Variants in MALRD1 observed in about 807,000 individuals in gnomAD.
MALRD1 encodes MAM and LDL receptor class A domain containing 1, also known as MAM and LDL-receptor class A domain-containing protein 1.
MALRD1 carries 247 observed loss-of-function variants against 242.1 expected under a neutral mutation model. The observed-to-expected ratio is 1.02, with a 90% CI of 0.92 to 1.13. The LOEUF is 1.13. MALRD1 is among the 50% of genes most tolerant of loss of function. MALRD1 has a pLI of 0.00. For synonymous variants in MALRD1, 995 were observed against 866.6 expected, an observed-to-expected ratio of 1.15 and a Z score of -2.60; for missense variants, 2,989 against 2,533.1, an observed-to-expected ratio of 1.18 and a Z score of -3.86.
At chr10:19,353,888 G>A (rs905863226) in intron 26 of MALRD1, among the ~76,000 whole-genome samples, 38 of 151,910 alleles carry the variant, frequency 2.5e-4, no homozygotes, top group African/African-American at 8.7e-4. Context: ...TTGTTTGTTT[G>A]TTTGTTTTTT....
intron 28 of MALRD1, among the ~76,000 whole-genome samples, chr10:19,408,108 G>A (rs1427703503): frequency 6.6e-6 from 1 of 152,050 alleles, no homozygotes; most frequent in Non-Finnish European, 1.5e-5. Context: ...TCCTCCCCAA[G>A]TAAAGGATTT....
intron 1 of MALRD1, among the ~76,000 whole-genome samples, chr10:19,062,409 T>C (rs1458413458): frequency 6.6e-6 from 1 of 152,198 alleles, no homozygotes; most frequent in Non-Finnish European, 1.5e-5. Flanking sequence ...CCATATGATA[T>C]AGCATTTTCA....
At chr10:19,611,614 C>T (rs1257788100) in intron 35 of MALRD1, among the ~76,000 whole-genome samples, 2 of 151,916 alleles carry the variant, frequency 1.3e-5, no homozygotes, top group Non-Finnish European at 2.9e-5. Flanking sequence ...TAATATTATC[C>T]CATAGATTCC....
chr10:19,361,621 G>A lies in MALRD1; in HGVS notation c.4441+9324G>A, dbSNP rs1588966056. On this transcript the variant is annotated intron_variant, in intron 26 of 39. Transcript: ENST00000454679. ...GGCTTATCCCTAGTTAAACTCAGAA[G>A]ATCTCTAATTTCCCAGAAGTCATCA... Among the ~76,000 whole-genome samples, 4 of 152,144 alleles carry A rather than the reference G, an allele frequency of 2.6e-5. No homozygotes were observed. In the South Asian group the frequency reaches 8.3e-4, roughly 31 times the overall value.
At chr10:19,059,496 C>T (rs1046781946) in intron 1 of MALRD1, among the ~76,000 whole-genome samples, 2 of 152,096 alleles carry the variant, frequency 1.3e-5, no homozygotes, top group Non-Finnish European at 2.9e-5. Flanking sequence ...AAGCGATTCT[C>T]CTGCCTCAAC....
At chr10:19,318,909 T>C (rs755112203) in intron 21 of MALRD1, among the ~76,000 whole-genome samples, 15 of 152,014 alleles carry the variant, frequency 9.9e-5, no homozygotes, top group Non-Finnish European at 1.9e-4. Context: ...TGGGATATTT[T>C]ATCCAGTTCT....
At position 19,315,578 on chromosome 10, in the gene MALRD1, T is replaced by A. The variant is rs866099509; in HGVS notation, c.3420-8371T>A. ...AATATTATTTATATAAATATATAAA[T>A]TATAAATTATAAATATTTATATAAA... On this transcript the variant is annotated intron_variant, in intron 21 of 39. Coordinates refer to ENST00000454679, the MANE Select transcript of MALRD1 (RefSeq NM_001142308.3). Among the ~76,000 whole-genome samples, 95 of 62,294 alleles carry A rather than the reference T, an allele frequency of 1.5e-3. 3 individuals are homozygous for A. In the East Asian group the frequency reaches 0.016, roughly 10 times the overall value. 40.9% of individuals were successfully genotyped at this position (62,294 alleles called of 152,430 possible). A position where few individuals can be genotyped will look rare whatever the true frequency, so the allele number is the denominator to read the frequency against.
chr10:19,121,080 G>C (rs1365001986), intron 5 of MALRD1, among the ~76,000 whole-genome samples: 6 of 114,712 alleles, frequency 5.2e-5, no homozygotes, highest in Admixed American at 1.2e-4. Flanking sequence ...CTCTCACTCT[G>C]TTGCCCAGGC....
chr10:19,082,738 C>T (rs963517578), intron 2 of MALRD1, among the ~76,000 whole-genome samples: 6 of 151,954 alleles, frequency 3.9e-5, no homozygotes, highest in African/African-American at 9.7e-5. Flanking sequence ...AACTCCCACA[C>T]ATTTGCTTCT....
At chr10:19,265,770 A>G (rs1326151841) in intron 19 of MALRD1, among the ~76,000 whole-genome samples, 1 of 151,910 alleles carries the variant, frequency 6.6e-6, no homozygotes, top group East Asian at 1.9e-4. Flanking sequence ...AATGTTTCTT[A>G]ATTGATTTTC....
At chr10:19,696,857 A>C (rs1307250935) in intron 38 of MALRD1, among the ~76,000 whole-genome samples, 1 of 152,162 alleles carries the variant, frequency 6.6e-6, no homozygotes, top group Non-Finnish European at 1.5e-5. Flanking sequence ...CAGAGGTTGC[A>C]GTGAGCTGAG....
intron 26 of MALRD1, among the ~76,000 whole-genome samples, chr10:19,370,140 G>C (rs73593886): frequency 0.052 from 7,933 of 152,126 alleles, 413 homozygotes; most frequent in African/African-American, 0.13. Flanking sequence ...TTGCCTGGAA[G>C]ATTTGGTTGA....
At chr10:19,287,585 T>C (rs184751703) in intron 21 of MALRD1, among the ~76,000 whole-genome samples, 106 of 152,272 alleles carry the variant, frequency 7.0e-4, no homozygotes, top group African/African-American at 2.5e-3. Context: ...AATGTTCTTT[T>C]CCTCAATATC....
Position 19,595,217 on chromosome 10 carries a change from C to A in MALRD1, c.5704C>A (p.Pro1902Thr). Residue 1902 changes from proline to threonine, a missense_variant, in exon 34 of 40, where the codon CCC (proline) becomes ACC (threonine). Transcript: ENST00000454679. Reference sequence around the variant, plus strand: ...AGGTCCTGTCCCAGTGCAGCCATCACCCTGTGAAGCTGATCAGTTTTCTTG... The same window carrying A: ...AGGTCCTGTCCCAGTGCAGCCATCAACCTGTGAAGCTGATCAGTTTTCTTG... ...TGGPVPVQPS[P>T]CEADQFSCIY... 6.5e-7 allele frequency: 1 copy of A among 1,550,034 alleles called. No homozygotes were observed. Among genetic ancestry groups the A allele is most frequent in the Non-Finnish European group, 8.7e-7 (1 of 1,146,704 alleles).
intron 28 of MALRD1, among the ~76,000 whole-genome samples, chr10:19,437,810 A>T (rs1295441558): frequency 6.6e-6 from 1 of 152,094 alleles, no homozygotes; most frequent in East Asian, 1.9e-4. Flanking sequence ...AACCTCACTT[A>T]TTTCAGATCA....
chr10:19,668,302 G>T (rs1288121705), intron 36 of MALRD1, among the ~76,000 whole-genome samples: 1 of 152,148 alleles, frequency 6.6e-6, no homozygotes, highest in Non-Finnish European at 1.5e-5. Flanking sequence ...AAAGATGGAA[G>T]TATTTCTCAA....
intron 28 of MALRD1, among the ~76,000 whole-genome samples, chr10:19,448,470 G>A (rs577368348): frequency 5.9e-5 from 9 of 151,960 alleles, no homozygotes; most frequent in Non-Finnish European, 1.3e-4. Context: ...CCATCATTAT[G>A]ATTTGTTAAA....
intron 28 of MALRD1, among the ~76,000 whole-genome samples, chr10:19,390,645 T>A (rs777148338): frequency 5.3e-4 from 81 of 152,264 alleles, no homozygotes; most frequent in Non-Finnish European, 1.0e-3. Flanking sequence ...AAGCTTACTT[T>A]AAAGCATGCT....
intron 14 of MALRD1, among the ~76,000 whole-genome samples, chr10:19,185,100 A>G (rs1020021971): frequency 6.6e-6 from 1 of 152,204 alleles, no homozygotes; most frequent in South Asian, 2.1e-4. Context: ...TTTCGTTCCA[A>G]GAGATAATGT....
Sources: allele counts gnomAD v4.1 joint callset (sites outside exome capture counted in the v4.1 genomes callset), GRCh38; gene constraint gnomAD v4.1.1; transcripts MANE v1.5; gene names NCBI Gene and HGNC (gene_info 2026-07-23, HGNC 2026-07-21).